Variants in MAP2 observed in about 807,000 individuals in gnomAD.
MAP2 encodes the protein microtubule associated protein 2.
In MAP2, 14 loss-of-function variants were observed where a neutral mutation model predicts 137.6. The ratio of observed to expected loss-of-function variants is 0.10; its 90% CI spans 0.07 to 0.16. The LOEUF (loss-of-function observed/expected upper bound fraction) is 0.16. Among genes scored for constraint, MAP2 ranks in the 10% least tolerant of loss-of-function variants. MAP2 has a pLI of 1.00. For synonymous variants in MAP2, 786 were observed against 782.3 expected, an observed-to-expected ratio of 1.00 and a Z score of -0.08; for missense variants, 2,088 against 2,191.5, an observed-to-expected ratio of 0.95 and a Z score of 0.94.
intron 2 of MAP2, among the ~76,000 whole-genome samples, chr2:209,512,618 A>T (rs1393168213): frequency 6.6e-6 from 1 of 151,120 alleles, no homozygotes; most frequent in East Asian, 1.9e-4. Context: ...TATATATATA[A>T]AATGTATGAT....
intron 13 of MAP2, among the ~76,000 whole-genome samples, chr2:209,717,412 C>G (rs2153791467): frequency 6.6e-6 from 1 of 152,240 alleles, no homozygotes; most frequent in South Asian, 2.1e-4. Flanking sequence ...CCCACCAGGT[C>G]CCTCCTCCAA....
chr2:209,619,632 A>C (rs917806163), intron 3 of MAP2, among the ~76,000 whole-genome samples: 4 of 152,214 alleles, frequency 2.6e-5, no homozygotes, highest in African/African-American at 9.6e-5. Context: ...TATTTATAAA[A>C]TAAAATATTT....
chr2:209,724,077 C>T (rs1302068237), intron 13 of MAP2, among the ~76,000 whole-genome samples: 1 of 152,188 alleles, frequency 6.6e-6, no homozygotes, highest in Non-Finnish European at 1.5e-5. Flanking sequence ...TTAAATTACC[C>T]ATGAGGCAAA....
chr2:209,433,095 C>T (rs1033079968), intron 1 of MAP2, among the ~76,000 whole-genome samples: 1 of 152,084 alleles, frequency 6.6e-6, no homozygotes, highest in Admixed American at 6.6e-5. Context: ...TTAGTAGGCA[C>T]TTTTCTGAAT....
intron 5 of MAP2, among the ~76,000 whole-genome samples, chr2:209,669,084 T>C (rs1240177092): frequency 6.6e-6 from 1 of 152,092 alleles, no homozygotes; most frequent in Non-Finnish European, 1.5e-5. Context: ...TTTGTAGCTA[T>C]AATGATATAA....
chr2:209,475,167 C>T (rs748926922), intron 1 of MAP2, among the ~76,000 whole-genome samples: 13 of 152,042 alleles, frequency 8.6e-5, no homozygotes, highest in Non-Finnish European at 1.3e-4. Flanking sequence ...ATGAAGTTTA[C>T]ATAAAAATGG....
intron 1 of MAP2, among the ~76,000 whole-genome samples, chr2:209,484,022 G>A (rs2058053856): frequency 6.6e-6 from 1 of 151,998 alleles, no homozygotes; most frequent in African/African-American, 2.4e-5. Context: ...TTGAACTTCT[G>A]ATATGTTAGA....
intron 1 of MAP2, among the ~76,000 whole-genome samples, chr2:209,428,159 C>A (rs1187934357): frequency 6.6e-6 from 1 of 152,154 alleles, no homozygotes; most frequent in Non-Finnish European, 1.5e-5. Context: ...TGAATCTAAT[C>A]TTTGATCTTT....
chr2:209,575,795 C>T (rs1347686981), intron 2 of MAP2, among the ~76,000 whole-genome samples: 2 of 152,012 alleles, frequency 1.3e-5, no homozygotes, highest in Non-Finnish European at 2.9e-5. Flanking sequence ...TGACTGCCCT[C>T]GTGGAACTAG....
chr2:209,481,735 T>G (rs1708831681), intron 1 of MAP2, among the ~76,000 whole-genome samples: 1 of 152,236 alleles, frequency 6.6e-6, no homozygotes, highest in Non-Finnish European at 1.5e-5. Flanking sequence ...CAGCTTGTCT[T>G]TAGGTTTCTG....
intron 1 of MAP2, among the ~76,000 whole-genome samples, chr2:209,459,769 C>T (rs2886435): frequency 0.53 from 81,133 of 151,990 alleles, 22,490 homozygotes; most frequent in Middle Eastern, 0.63. Context: ...TGATTAGTAG[C>T]AGTTTGGGAC....
chr2:209,671,060 C>T (rs544277689), intron 5 of MAP2, among the ~76,000 whole-genome samples: 2 of 151,960 alleles, frequency 1.3e-5, no homozygotes, highest in Non-Finnish European at 2.9e-5. Flanking sequence ...TAACTAACTT[C>T]GCCTCAAATG....
intron 14 of MAP2, among the ~76,000 whole-genome samples, chr2:209,726,438 A>C (rs1559677086): frequency 6.6e-6 from 1 of 152,142 alleles, no homozygotes; most frequent in African/African-American, 2.4e-5. Flanking sequence ...TTTTCTGAAT[A>C]TCATGTATTA....
chr2:209,673,790 T>A (rs1049787629), intron 5 of MAP2, among the ~76,000 whole-genome samples: 2 of 151,788 alleles, frequency 1.3e-5, no homozygotes, highest in African/African-American at 4.8e-5. Context: ...CACCTATGTT[T>A]GGAAGAAAAA....
At chr2:209,679,471 A>AAT (rs1023785894) in intron 6 of MAP2, among the ~76,000 whole-genome samples, 5 of 152,010 alleles carry the variant, frequency 3.3e-5, no homozygotes, top group Admixed American at 1.3e-4. Flanking sequence ...TCTTAAATTC[A>AAT]ATATATATAT....
intron 12 of MAP2, among the ~76,000 whole-genome samples, chr2:209,706,394 T>C (rs1226129517): frequency 1.3e-5 from 2 of 152,130 alleles, no homozygotes; most frequent in East Asian, 1.9e-4. Flanking sequence ...CTACCGTTTA[T>C]TGAGCACATA....
intron 3 of MAP2, among the ~76,000 whole-genome samples, chr2:209,588,850 A>G (rs980317970): frequency 6.6e-6 from 1 of 152,154 alleles, no homozygotes; most frequent in Non-Finnish European, 1.5e-5. Context: ...TCCTAAAATG[A>G]TTGACTTTCC....
intron 1 of MAP2, among the ~76,000 whole-genome samples, chr2:209,478,719 A>G (rs1486004922): frequency 6.6e-6 from 1 of 152,158 alleles, no homozygotes; most frequent in East Asian, 1.9e-4. Context: ...TCTTCAACTC[A>G]CTATAAGGTT....
intron 2 of MAP2, among the ~76,000 whole-genome samples, chr2:209,558,013 A>G (rs1236168357): frequency 6.6e-6 from 1 of 152,228 alleles, no homozygotes; most frequent in African/African-American, 2.4e-5. Context: ...TTAAAGCTAC[A>G]GAACAATTGA....
Sources: allele counts gnomAD v4.1 joint callset (sites outside exome capture counted in the v4.1 genomes callset), GRCh38; gene constraint gnomAD v4.1.1; transcripts MANE v1.5; gene names NCBI Gene and HGNC (gene_info 2026-07-23, HGNC 2026-07-21).